YIPF1: variants seen among roughly 807,000 people sequenced by gnomAD.
YIPF1 encodes the protein protein YIPF1.
A neutral mutation model predicts 37.0 loss-of-function variants in YIPF1; 22 were observed. The observed-to-expected ratio is 0.59, with a 90% confidence interval of 0.42 to 0.85. The LOEUF (loss-of-function observed/expected upper bound fraction) is 0.85, where lower values mean the gene tolerates loss of function less well. Ranked by LOEUF, YIPF1 falls within the 40% of genes least tolerant of loss-of-function variation. The pLI, the probability that YIPF1 is intolerant of heterozygous loss-of-function variation, is 0.00. For missense variants in YIPF1, 355 were observed against 373.1 expected (o/e 0.95, Z 0.40); for synonymous variants, 128 against 131.9 (o/e 0.97, Z 0.21).
intron 8 of YIPF1, 121 bp downstream of exon 8, chr1:53,866,637 A>AT (rs1193258087): frequency 5.4e-6 from 7 of 1,307,374 alleles, no homozygotes; most frequent in South Asian, 4.6e-5. Flanking sequence ...TTCAAAGGAG[A>AT]TTTTTTCAGA....
chr1:53,853,826 G>T (rs987291951), intron 10 of YIPF1, among the ~76,000 whole-genome samples: 1 of 152,106 alleles, frequency 6.6e-6, no homozygotes, highest in Non-Finnish European at 1.5e-5. Flanking sequence ...ATAAAGGTAG[G>T]GACAAACGGG....
chr1:53,851,969 T>C lies in YIPF1; in HGVS notation c.*310A>G, dbSNP rs1005950379. On this transcript the variant is annotated 3_prime_UTR_variant, in exon 11 of 11. Coordinates refer to ENST00000072644, the MANE Select transcript of YIPF1 (RefSeq NM_018982.5). ...GGTATTAAGGTACCACAGTGAAGCATGTCATTTGACTGTGGTGGCAAAGGG... is the reference window on the plus strand; with the variant it reads ...GGTATTAAGGTACCACAGTGAAGCACGTCATTTGACTGTGGTGGCAAAGGG... 3.3e-5 allele frequency: 5 copies of C among 152,252 alleles called. No homozygotes were observed. The highest frequency in any genetic ancestry group is 5.9e-5 in the Non-Finnish European group (4 of 68,062). 9.4% of individuals were successfully genotyped at this position (152,252 alleles called of 1,614,324 possible). A position where few individuals can be genotyped will look rare whatever the true frequency, so the allele number is the denominator to read the frequency against.
intron 6 of YIPF1, 68 bp from the exon 7 acceptor site, chr1:53,871,556 T>C (rs112798237): frequency 2.3e-4 from 288 of 1,245,270 alleles, no homozygotes; most frequent in African/African-American, 1.5e-3. Context: ...CTTACAGAAT[T>C]TCTTATCTTC....
intron 7 of YIPF1, among the ~76,000 whole-genome samples, chr1:53,869,617 C>T (rs903048927): frequency 1.8e-4 from 27 of 152,106 alleles, no homozygotes; most frequent in Non-Finnish European, 1.5e-4. Flanking sequence ...GACAGCAGAG[C>T]AGGCAGGGAG....
chr1:53,872,114 T>C (rs1650208442), intron 6 of YIPF1, among the ~76,000 whole-genome samples: 1 of 150,736 alleles, frequency 6.6e-6, no homozygotes, highest in Non-Finnish European at 1.5e-5. Context: ...AAAATTAAAA[T>C]TAAAAATTAA....
intron 7 of YIPF1, among the ~76,000 whole-genome samples, chr1:53,870,160 C>CTCTTTT (rs1557605849): frequency 1.5e-4 from 14 of 91,214 alleles, no homozygotes; most frequent in African/African-American, 6.2e-4. Context: ...CACCGGGTCT[C>CTCTTTT]TTTTTTTTTT....
Position 53,887,045 on chromosome 1 carries a change from C to T in YIPF1, c.31+1862G>A, listed in dbSNP as rs559606178. ...GGTTGGAGGCTGCATCATATAGGGG[C>T]CTCCTAAGCCACAGTAAGGGCTCTG... On this transcript the variant is annotated intron_variant, in intron 3 of 10. Transcript: ENST00000072644. Among the ~76,000 whole-genome samples, 10 of 151,966 alleles carry T rather than the reference C, an allele frequency of 6.6e-5. No homozygotes were observed. In the South Asian group the frequency reaches 2.1e-3, roughly 32 times the overall value.
intron 6 of YIPF1, among the ~76,000 whole-genome samples, chr1:53,877,763 A>G (rs1650369760): frequency 6.6e-6 from 1 of 152,246 alleles, no homozygotes; most frequent in Non-Finnish European, 1.5e-5. Flanking sequence ...AGTCAAAGTG[A>G]CTAAATTTGT....
intron 4 of YIPF1, among the ~76,000 whole-genome samples, chr1:53,879,101 C>CT (rs5774165): frequency 0.37 from 53,728 of 146,614 alleles, 9,861 homozygotes; most frequent in East Asian, 0.56. Flanking sequence ...TATCTTTTCG[C>CT]TTTTTTTTTT....
intron 9 of YIPF1, 45 bp from the exon 10 acceptor site, chr1:53,860,198 T>C (rs1309490129): frequency 6.3e-7 from 1 of 1,595,412 alleles, no homozygotes. Flanking sequence ...AAGACAGTGG[T>C]CCGGGTAAGT....
intron 10 of YIPF1, among the ~76,000 whole-genome samples, chr1:53,857,097 T>C (rs1649738254): frequency 6.6e-6 from 1 of 152,150 alleles, no homozygotes; most frequent in Non-Finnish European, 1.5e-5. Flanking sequence ...CAAATGACCG[T>C]CAGCAAGAAG....
intron 9 of YIPF1, among the ~76,000 whole-genome samples, chr1:53,864,742 T>C (rs549553442): frequency 6.6e-6 from 1 of 152,216 alleles, no homozygotes; most frequent in African/African-American, 2.4e-5. Context: ...ACAGGGCTTG[T>C]TAAGGCCGTG....
intron 6 of YIPF1, among the ~76,000 whole-genome samples, chr1:53,877,550 G>C (rs1036540640): frequency 6.6e-6 from 1 of 152,118 alleles, no homozygotes; most frequent in Non-Finnish European, 1.5e-5. Context: ...GGAGTACTGG[G>C]TGGACCTCTG....
At chr1:53,856,492 G>A (rs372633548) in intron 10 of YIPF1, among the ~76,000 whole-genome samples, 2 of 152,128 alleles carry the variant, frequency 1.3e-5, no homozygotes, top group East Asian at 1.9e-4. Context: ...CGTTCTCAGT[G>A]ATGTGAGTCC....
chr1:53,853,279 G>A (rs1001898804), intron 10 of YIPF1, among the ~76,000 whole-genome samples: 32 of 152,278 alleles, frequency 2.1e-4, no homozygotes, highest in African/African-American at 7.7e-4. Flanking sequence ...AACTTGCCAG[G>A]CGAGGGTGTA....
rs79096251 is a variant in YIPF1, at chr1:53,859,264, T to G, written c.*8+792A>C. On this transcript the variant is annotated intron_variant, in intron 10 of 10. Transcript: ENST00000072644. ...TGAATGAATAAATAGCCGAACAAAT[T>G]AATGAATAGGCAGATGGACACATGA... Among the ~76,000 whole-genome samples the G allele has an allele frequency of 8.9e-3, 1,362 of 152,312 alleles. 13 individuals are homozygous for G. The highest frequency in any genetic ancestry group is 0.032 in the African/African-American group (1,320 of 41,564).
In YIPF1 at chr1:53,871,467, G is replaced by A. The variant is rs199900337; in HGVS notation, c.386C>T (p.Thr129Met). The A allele has an allele frequency of 9.7e-5, 156 of 1,613,764 alleles. No individual in the cohort carries two copies. Among genetic ancestry groups the A allele is most frequent in the Non-Finnish European group, 1.2e-4 (137 of 1,179,906 alleles). ...ACTAATTGCTATGGCAAAGACCAAC[G>A]TGGCACATATCCAAAAGGGGCCTGC... ...DLYGPFWICA[T>M]LVFAIAISGN... The change falls in exon 7 of 11, where the codon ACG becomes ATG. Residue 129 changes from threonine to methionine, a missense_variant. Thr to Met is a moderately conservative substitution (Grantham distance 81). Coordinates refer to ENST00000072644, the MANE Select transcript of YIPF1 (RefSeq NM_018982.5).
chr1:53,864,058 T>C (rs1649954724), intron 9 of YIPF1, among the ~76,000 whole-genome samples: 1 of 152,130 alleles, frequency 6.6e-6, no homozygotes, highest in Admixed American at 6.6e-5. Context: ...GGGTTCTTAA[T>C]AATAACCATA....
chr1:53,877,479 G>C (rs928907567), intron 6 of YIPF1, among the ~76,000 whole-genome samples: 1 of 152,142 alleles, frequency 6.6e-6, no homozygotes, highest in Admixed American at 6.5e-5. Flanking sequence ...ACAGCACCTG[G>C]CACACGGACA....
Sources: gnomAD v4.1 joint callset for allele counts (sites outside exome capture counted in the v4.1 genomes callset) on GRCh38, gnomAD v4.1.1 for gene constraint, MANE v1.5 for transcripts, NCBI Gene and HGNC (gene_info 2026-07-23, HGNC 2026-07-21) for gene names.